Variants in KCNQ3 observed in about 807,000 individuals in gnomAD.
The protein encoded by KCNQ3 is potassium voltage-gated channel subfamily KQT member 3.
A neutral mutation model predicts 92.5 loss-of-function variants in KCNQ3; 30 were observed. The observed-to-expected ratio is 0.32, with a 90% CI of 0.24 to 0.44. The LOEUF is 0.44. Among genes scored for constraint, KCNQ3 ranks in the 20% least tolerant of loss-of-function variants. KCNQ3 has a pLI of 1.00. For missense variants in KCNQ3, 913 were observed against 1,140.3 expected (o/e 0.80, Z 2.87); for synonymous variants, 450 against 468.8 (o/e 0.96, Z 0.52).
intron 11 of KCNQ3, among the ~76,000 whole-genome samples, chr8:132,139,313 G>A (rs975607400): frequency 3.9e-5 from 6 of 152,224 alleles, no homozygotes; most frequent in Non-Finnish European, 8.8e-5. Context: ...GAGGAATCCA[G>A]ATAGCTGTGT....
At chr8:132,204,881 C>T (rs1048960695) in intron 1 of KCNQ3, among the ~76,000 whole-genome samples, 14 of 152,164 alleles carry the variant, frequency 9.2e-5, no homozygotes, top group African/African-American at 3.4e-4. Context: ...TCTCATCATC[C>T]TCCATGCTTG....
chr8:132,303,698 C>T (rs1817322156), intron 1 of KCNQ3, among the ~76,000 whole-genome samples: 1 of 125,868 alleles, frequency 7.9e-6, no homozygotes, highest in African/African-American at 3.1e-5. Context: ...AGCCACACCA[C>T]ACACACACAT....
At chr8:132,217,731 CAAA>C (rs1814087708) in intron 1 of KCNQ3, among the ~76,000 whole-genome samples, 1 of 109,208 alleles carries the variant, frequency 9.2e-6, no homozygotes, top group African/African-American at 3.7e-5. Context: ...AAAAAAAAAA[CAAA>C]ACACTGGGAG....
chr8:132,282,658 G>A (rs955216707), intron 1 of KCNQ3, among the ~76,000 whole-genome samples: 3 of 152,168 alleles, frequency 2.0e-5, no homozygotes, highest in African/African-American at 7.2e-5. Flanking sequence ...GCATAGGGCT[G>A]CCTTCTCCCC....
chr8:132,386,028 C>T (rs1295438117), intron 1 of KCNQ3, among the ~76,000 whole-genome samples: 1 of 151,642 alleles, frequency 6.6e-6, no homozygotes, highest in African/African-American at 2.4e-5. Context: ...TTAAAGGGCC[C>T]TGGGATGGGG....
chr8:132,457,978 C>G (rs747986937), intron 1 of KCNQ3, among the ~76,000 whole-genome samples: 2 of 152,202 alleles, frequency 1.3e-5, no homozygotes, highest in Non-Finnish European at 2.9e-5. Flanking sequence ...TGGTCATGAG[C>G]ATGTCCACCT....
At chr8:132,206,935 T>G (rs563787725) in intron 1 of KCNQ3, among the ~76,000 whole-genome samples, 1 of 152,340 alleles carries the variant, frequency 6.6e-6, no homozygotes, top group East Asian at 1.9e-4. Flanking sequence ...ATTCTTAGAT[T>G]GTTTATTATT....
intron 1 of KCNQ3, among the ~76,000 whole-genome samples, chr8:132,268,011 A>G (rs1021407463): frequency 2.0e-5 from 3 of 152,174 alleles, no homozygotes; most frequent in Non-Finnish European, 4.4e-5. Context: ...TGGCAAATGC[A>G]TAATGACATG....
intron 1 of KCNQ3, among the ~76,000 whole-genome samples, chr8:132,200,927 TA>T (rs1563801870): frequency 6.6e-6 from 1 of 152,196 alleles, no homozygotes; most frequent in Non-Finnish European, 1.5e-5. Context: ...AGACTGAGAT[TA>T]TTTTATAAAC....
intron 9 of KCNQ3, among the ~76,000 whole-genome samples, chr8:132,154,748 C>G (rs1300429087): frequency 1.3e-5 from 2 of 152,164 alleles, no homozygotes; most frequent in Admixed American, 6.5e-5. Context: ...GGGAACCCCT[C>G]TCACTTTGCT....
intron 1 of KCNQ3, among the ~76,000 whole-genome samples, chr8:132,306,766 G>A (rs144959791): frequency 7.2e-5 from 11 of 152,318 alleles, no homozygotes; most frequent in African/African-American, 2.4e-4. Context: ...TTGAGTAATA[G>A]TCCTTAATTA....
At chr8:132,400,276 C>A (rs1022109116) in intron 1 of KCNQ3, among the ~76,000 whole-genome samples, 1 of 152,222 alleles carries the variant, frequency 6.6e-6, no homozygotes, top group Non-Finnish European at 1.5e-5. Context: ...CCACTTCTAA[C>A]ATTACCTGAC....
chr8:132,264,871 T>C (rs1815929575), intron 1 of KCNQ3, among the ~76,000 whole-genome samples: 1 of 152,018 alleles, frequency 6.6e-6, no homozygotes, highest in African/African-American at 2.4e-5. Flanking sequence ...AGGGGGTGAG[T>C]TGTTATAATC....
At chr8:132,269,046 G>C (rs1232524670) in intron 1 of KCNQ3, among the ~76,000 whole-genome samples, 4 of 152,182 alleles carry the variant, frequency 2.6e-5, no homozygotes, top group Non-Finnish European at 5.9e-5. Flanking sequence ...CTTCTTTGGT[G>C]AGGTGTCTAT....
At chr8:132,407,664 G>T (rs949344026) in intron 1 of KCNQ3, among the ~76,000 whole-genome samples, 4 of 152,224 alleles carry the variant, frequency 2.6e-5, no homozygotes, top group Non-Finnish European at 5.9e-5. Flanking sequence ...CTGTTGGCTT[G>T]TTCCCTTGTC....
At chr8:132,448,979 C>T (rs1387705591) in intron 1 of KCNQ3, among the ~76,000 whole-genome samples, 1 of 152,200 alleles carries the variant, frequency 6.6e-6, no homozygotes, top group Non-Finnish European at 1.5e-5. Context: ...GAGGTTGCCA[C>T]GGTACGGCAG....
chr8:132,232,184 C>T (rs770660079), intron 1 of KCNQ3, among the ~76,000 whole-genome samples: 5 of 152,152 alleles, frequency 3.3e-5, no homozygotes, highest in Non-Finnish European at 7.3e-5. Context: ...CTTGGTTCTG[C>T]AAATATGATC....
At chr8:132,217,673 TGCACTCCAGCCTGG>T (rs528675786) in intron 1 of KCNQ3, among the ~76,000 whole-genome samples, 40 of 136,684 alleles carry the variant, frequency 2.9e-4, no homozygotes, top group African/African-American at 1.1e-3. Context: ...ATTGTGCCAC[TGCACTCCAGCCTGG>T]GCGACAGAGT....
At position 132,480,254 on chromosome 8, in the gene KCNQ3, C is replaced by T. The variant is rs1822517250; in HGVS notation, c.279G>A (p.Leu93=). The T allele has an allele frequency of 2.5e-6, 4 of 1,612,762 alleles. No homozygotes were observed. In the South Asian group the frequency reaches 4.4e-5, roughly 18 times the overall value. ...QGIGLLAKTP[L]SRPVKRNNAK... ...CGTTGTTTCTCTTGACTGGGCGGCTCAGCGGGGTCTTGGCCAGGAGCCCGA... is the reference window on the plus strand; with the variant it reads ...CGTTGTTTCTCTTGACTGGGCGGCTTAGCGGGGTCTTGGCCAGGAGCCCGA... Residue 93 remains leucine (L), a synonymous_variant, in exon 1 of 15, where the codon CTG becomes CTA. Transcript: ENST00000388996.
Sources: gnomAD v4.1 joint callset for allele counts (sites outside exome capture counted in the v4.1 genomes callset) on GRCh38, gnomAD v4.1.1 for gene constraint, MANE v1.5 for transcripts, NCBI Gene and HGNC (gene_info 2026-07-23, HGNC 2026-07-21) for gene names.